SAG: variants seen among roughly 807,000 people sequenced by gnomAD.
SAG encodes S-arrestin.
SAG carries 45 observed loss-of-function variants against 55.0 expected under a neutral mutation model. The observed-to-expected ratio is 0.82, with a 90% CI of 0.64 to 1.05. The LOEUF (loss-of-function observed/expected upper bound fraction) is 1.05, where lower values mean the gene tolerates loss of function less well. Ranked by LOEUF, SAG falls within the 50% of genes least tolerant of loss-of-function variation. The pLI, the probability that SAG is intolerant of heterozygous loss-of-function variation, is 0.00. For synonymous variants in SAG, 189 were observed against 197.4 expected (o/e 0.96, Z 0.36); for missense variants, 455 against 512.1 (o/e 0.89, Z 1.08).
chr2:233,321,395 T>G (rs757589568), intron 5 of SAG, among the ~76,000 whole-genome samples: 1 of 152,218 alleles, frequency 6.6e-6, no homozygotes, highest in Admixed American at 6.5e-5. Flanking sequence ...CTTAAGAGAA[T>G]ATACACTTCC....
intron 9 of SAG, among the ~76,000 whole-genome samples, chr2:233,330,052 G>A (rs1007678870): frequency 6.6e-6 from 1 of 152,184 alleles, no homozygotes; most frequent in Non-Finnish European, 1.5e-5. Flanking sequence ...CGGCTCAAAT[G>A]GCCATCATGT....
intron 3 of SAG, 26 bp downstream of exon 3, chr2:233,316,161 T>A: frequency 7.0e-7 from 1 of 1,428,994 alleles, no homozygotes; most frequent in South Asian, 1.2e-5. Flanking sequence ...AAAACTGTAA[T>A]GCTGGTTTTC....
chr2:233,320,049 G>A, intron 4 of SAG: 5 of 898,650 alleles, frequency 5.6e-6, no homozygotes, highest in Non-Finnish European at 6.7e-6. Context: ...AGAATTTTCA[G>A]AAGTGGGGGT....
intron 8 of SAG, chr2:233,328,878 T>G: frequency 2.4e-6 from 1 of 411,226 alleles, no homozygotes; most frequent in Middle Eastern, 6.4e-4. Flanking sequence ...GGCGCTGCTT[T>G]TCACATACCT....
chr2:233,326,069 G>A (rs552047126), intron 6 of SAG, among the ~76,000 whole-genome samples: 1 of 152,204 alleles, frequency 6.6e-6, no homozygotes, highest in South Asian at 2.1e-4. Flanking sequence ...CAGTGGTGGA[G>A]GGCAGGCCGG....
intron 10 of SAG, chr2:233,332,267 G>A (rs1700790071): frequency 5.1e-5 from 8 of 155,910 alleles, no homozygotes; most frequent in Admixed American, 4.5e-4. Flanking sequence ...CAGCTTTGCT[G>A]TGTGCCACAA....
At chr2:233,310,047 C>G (rs866576939) in intron 2 of SAG, among the ~76,000 whole-genome samples, 1 of 152,218 alleles carries the variant, frequency 6.6e-6, no homozygotes, top group South Asian at 2.1e-4. Context: ...GCCCGCAGGG[C>G]CATTGGATAA....
chr2:233,312,901 C>T (rs1271997927), intron 2 of SAG, among the ~76,000 whole-genome samples: 6 of 152,212 alleles, frequency 3.9e-5, no homozygotes, highest in African/African-American at 1.2e-4. Flanking sequence ...TCCAGGGGCA[C>T]AATTGCCAGT....
intron 9 of SAG, among the ~76,000 whole-genome samples, chr2:233,330,406 A>T (rs1031493732): frequency 1.3e-5 from 2 of 152,098 alleles, no homozygotes; most frequent in African/African-American, 4.8e-5. Context: ...TTTCCCTGTG[A>T]GTCATCACAG....
At chr2:233,338,307 A>G (rs188799694) in intron 11 of SAG, among the ~76,000 whole-genome samples, 26 of 152,312 alleles carry the variant, frequency 1.7e-4, no homozygotes, top group South Asian at 6.2e-4. Flanking sequence ...TACTGAGATA[A>G]TCCAGGCAGG....
rs745383158 is a variant in SAG, at chr2:233,309,240, CAAG to C, written c.56_58del (p.Lys19del). On this transcript the variant is annotated inframe_deletion, in exon 2 of 16. Coordinates refer to ENST00000409110, the MANE Select transcript of SAG (RefSeq NM_000541.5). ...AGTCCGAACCGAACCATGTTATCTT[CAAG>C]AAGATCTCCCGGGACAAATCGGTGA... 7 of 1,613,578 alleles carry C rather than the reference CAAG, an allele frequency of 4.3e-6. No homozygotes were observed. The African/African-American group carries it at 6.7e-5, about 15-fold the overall frequency.
intron 2 of SAG, among the ~76,000 whole-genome samples, chr2:233,313,346 G>A (rs1700127947): frequency 6.6e-6 from 1 of 152,200 alleles, no homozygotes; most frequent in Non-Finnish European, 1.5e-5. Flanking sequence ...CAGAGCCCAG[G>A]GAAGAGTGGA....
At position 233,340,545 on chromosome 2, in the gene SAG, C is replaced by CA; in HGVS notation, c.1046+71dup. Reference sequence around the variant, plus strand: ...ATCAAAGGCAGCAAACTTGGGGCTCCAAAACGGTTTCTGATGAAAGCTGCT... The same window carrying CA: ...ATCAAAGGCAGCAAACTTGGGGCTCCAAAAACGGTTTCTGATGAAAGCTGCT... On this transcript the variant is annotated intron_variant, in intron 13 of 15. Transcript: ENST00000409110. This position sits in a 1 kb window ranked among gnomAD's most constrained non-coding sequence, Gnocchi z 4.2. 1 of 1,311,602 alleles carries CA rather than the reference C, an allele frequency of 7.6e-7. No individual in the cohort carries two copies. The highest frequency in any genetic ancestry group is 1.1e-6 in the Non-Finnish European group (1 of 919,402). 81.2% of individuals were successfully genotyped at this position (1,311,602 alleles called of 1,614,324 possible). A position where few individuals can be genotyped will look rare whatever the true frequency, so the allele number is the denominator to read the frequency against.
In SAG at chr2:233,334,824, C is replaced by T. The variant is rs1332940609; in HGVS notation, c.807-138C>T. 3 of 945,430 alleles carry T rather than the reference C, an allele frequency of 3.2e-6. No homozygotes were observed. In the African/African-American group the frequency reaches 5.0e-5, roughly 16 times the overall value. 58.6% of individuals were successfully genotyped at this position (945,430 alleles called of 1,614,324 possible). A position where few individuals can be genotyped will look rare whatever the true frequency, so the allele number is the denominator to read the frequency against. ...TGTTCTGCTTCTCGTAAGTCAAGTT[C>T]CCAGGCTCTTGAACCCACCTTCCCA... On this transcript the variant is annotated intron_variant, in intron 10 of 15. Transcript: ENST00000409110.
At chr2:233,339,964 C>CTTT (rs35781383) in intron 12 of SAG, among the ~76,000 whole-genome samples, 2 of 146,460 alleles carry the variant, frequency 1.4e-5, no homozygotes, top group African/African-American at 5.1e-5. Flanking sequence ...GCCCAGCCAA[C>CTTT]TTTTTTTTTT....
rs1188978609 is a variant in SAG, at chr2:233,338,732, A to T, written c.1001A>T (p.Lys334Met). 3 of 1,613,980 alleles carry T rather than the reference A, an allele frequency of 1.9e-6. No individual in the cohort carries two copies. The highest frequency in any genetic ancestry group is 2.5e-6 in the Non-Finnish European group (3 of 1,179,868). The change falls in exon 12 of 16, where the codon AAG (lysine) becomes ATG (methionine). Residue 334 changes from lysine to methionine, a missense_variant. Physicochemically the swap from Lys to Met is moderately conservative, Grantham distance 95. Transcript: ENST00000409110. ...GGAATCCTGGTGTCTTACCAGATCA[A>T]GGTGAAGCTCACAGTGTCAGGGTAA... ...VLGILVSYQIKVKLTVSGFLG... is the reference protein window; with the variant it reads ...VLGILVSYQIMVKLTVSGFLG...
At chr2:233,312,863 C>T (rs1312289166) in intron 2 of SAG, among the ~76,000 whole-genome samples, 1 of 152,226 alleles carries the variant, frequency 6.6e-6, no homozygotes, top group Admixed American at 6.5e-5. Flanking sequence ...CAGGCTTCCT[C>T]CCCACCAGCC....
chr2:233,319,030 G>C lies in SAG; in HGVS notation c.181+235G>C. On this transcript the variant is annotated intron_variant, in intron 4 of 15. Transcript: ENST00000409110. The surrounding 1 kb of genome is among the most constrained non-coding windows in gnomAD (Gnocchi z 4.4). ...AGCAAAGTCATTGTCCAGGGTGGCA[G>C]ATAAGTAGATGGTAGACGGAGCCCA... The C allele has an allele frequency of 1.4e-6, 1 of 699,156 alleles. No homozygotes were observed. Among genetic ancestry groups the C allele is most frequent in the Non-Finnish European group, 2.7e-6 (1 of 372,552 alleles). The allele number at this position is 699,156 out of a possible 1,614,324, so 43.3% of individuals were successfully genotyped here. A position where few individuals can be genotyped will look rare whatever the true frequency, so the allele number is the denominator to read the frequency against.
chr2:233,342,123 C>CAAAA (rs34221850), intron 13 of SAG, 148 bp from the exon 14 acceptor site: 61 of 465,684 alleles, frequency 1.3e-4, no homozygotes, highest in Non-Finnish European at 1.8e-4. Flanking sequence ...GACTCCATCT[C>CAAAA]AAAAAAAAAA....
Sources: allele counts gnomAD v4.1 joint callset (sites outside exome capture counted in the v4.1 genomes callset), GRCh38; gene constraint gnomAD v4.1.1; non-coding constraint Gnocchi (gnomAD v3.1); transcripts MANE v1.5; gene names NCBI Gene and HGNC (gene_info 2026-07-23, HGNC 2026-07-21).